The following TAFA5 variants were observed in gnomAD, a reference collection of about 807,000 sequenced individuals.
TAFA5 encodes the protein chemokine-like protein TAFA-5.
A neutral mutation model predicts 15.3 loss-of-function variants in TAFA5; 6 were observed. The ratio of observed to expected loss-of-function variants is 0.39; its 90% CI spans 0.21 to 0.77. The LOEUF is 0.77. TAFA5 is among the 30% of genes least tolerant of loss of function. TAFA5 has a pLI of 0.41. For missense variants in TAFA5, 161 were observed against 193.1 expected (o/e 0.83, Z 0.98); for synonymous variants, 103 against 80.7 (o/e 1.28, Z -1.48).
At position 48,490,600 on chromosome 22, in the gene TAFA5, G is replaced by A. The variant is rs909531972; in HGVS notation, c.112+896G>A. ...CGTTCGCGGCTGGTGGGGTAAGTGG[G>A]GGCCGCTCAGCGTCCCGGGCACAGG... On this transcript the variant is annotated intron_variant, in intron 1 of 3. Transcript: ENST00000402357. The surrounding 1 kb of genome is among the most constrained non-coding windows in gnomAD (Gnocchi z 5.8). Among the ~76,000 whole-genome samples the A allele has an allele frequency of 3.3e-5, 5 of 151,806 alleles. No individual in the cohort carries two copies. The highest frequency in any genetic ancestry group is 1.3e-4 in the Admixed American group (2 of 15,282).
At chr22:48,533,006 T>C (rs1172642946) in intron 1 of TAFA5, among the ~76,000 whole-genome samples, 1 of 152,160 alleles carries the variant, frequency 6.6e-6, no homozygotes, top group Non-Finnish European at 1.5e-5. Flanking sequence ...CGCAGGGTGC[T>C]GAGTCCCCAG....
chr22:48,665,770 G>A (rs545070442), intron 2 of TAFA5, among the ~76,000 whole-genome samples: 2 of 152,284 alleles, frequency 1.3e-5, no homozygotes, highest in South Asian at 4.1e-4. Context: ...CTCATCCGCT[G>A]AAAGCCGGAG....
At chr22:48,656,766 T>A (rs929031315) in intron 2 of TAFA5, among the ~76,000 whole-genome samples, 645 of 17,974 alleles carry the variant, frequency 0.036, 24 homozygotes, top group African/African-American at 0.086. Flanking sequence ...TTTTTTTTTT[T>A]TTTTTTTTTT....
At chr22:48,506,950 C>A (rs1601838893) in intron 1 of TAFA5, among the ~76,000 whole-genome samples, 1 of 152,218 alleles carries the variant, frequency 6.6e-6, no homozygotes, top group African/African-American at 2.4e-5. Context: ...CAGAAGGCAT[C>A]CCCTCCAGCC....
rs185522539 is a variant in TAFA5 at position 48,660,803 on chromosome 22, C to T, written c.262+14057C>T. On this transcript the variant is annotated intron_variant, in intron 2 of 3. Coordinates refer to ENST00000402357, the MANE Select transcript of TAFA5 (RefSeq NM_001082967.3). ...TCAGCAGAAGTGAGGAGGCTCCTCA[C>T]CTTCTGGGTGGGTTTTGGGGGTCAG... 6.6e-3 allele frequency among the ~76,000 whole-genome samples: 1,001 copies of T among 152,276 alleles called. 8 individuals are homozygous for T. The highest frequency in any genetic ancestry group is 0.022 in the African/African-American group (906 of 41,564).
chr22:48,514,657 G>T (rs770528993), intron 1 of TAFA5, among the ~76,000 whole-genome samples: 13 of 152,214 alleles, frequency 8.5e-5, no homozygotes, highest in Non-Finnish European at 1.8e-4. Context: ...TGCCAGCCAG[G>T]TGACTTGTCC....
chr22:48,725,006 G>A lies in TAFA5; in HGVS notation c.390+17162G>A, dbSNP rs536779707. On this transcript the variant is annotated intron_variant, in intron 3 of 3. Transcript: ENST00000402357. ...GGCGCACCAGGAACTGTGTTCTTCCGTTCAGCTCTCATTCCCAAAGGAGCA... is the reference window on the plus strand; with the variant it reads ...GGCGCACCAGGAACTGTGTTCTTCCATTCAGCTCTCATTCCCAAAGGAGCA... Among the ~76,000 whole-genome samples, 44 of 152,360 alleles carry A rather than the reference G, an allele frequency of 2.9e-4. 1 individual carries two copies. In the South Asian group the frequency reaches 7.7e-3, roughly 27 times the overall value.
chr22:48,543,226 A>G (rs1053146785), intron 1 of TAFA5: 2 of 152,092 alleles, frequency 1.3e-5, no homozygotes, highest in Non-Finnish European at 2.9e-5. Flanking sequence ...TTTGGCCCTT[A>G]TTACCAATCA....
intron 2 of TAFA5, among the ~76,000 whole-genome samples, chr22:48,690,989 G>T (rs76041649): frequency 1.3e-5 from 2 of 152,154 alleles, no homozygotes; most frequent in Admixed American, 1.3e-4. Flanking sequence ...GAAGCAGCTA[G>T]GTGAGCATCA....
At chr22:48,744,823 G>T (rs995066794) in intron 3 of TAFA5, among the ~76,000 whole-genome samples, 2 of 152,006 alleles carry the variant, frequency 1.3e-5, no homozygotes, top group African/African-American at 2.4e-5. Context: ...GCAGTGGCAC[G>T]ATCTCGGCTC....
chr22:48,720,384 C>G (rs1254517389), intron 3 of TAFA5, among the ~76,000 whole-genome samples: 1 of 152,174 alleles, frequency 6.6e-6, no homozygotes, highest in East Asian at 1.9e-4. Context: ...GACCCAACAT[C>G]TCAGGGACAC....
chr22:48,718,028 G>C (rs1027067669), intron 3 of TAFA5, among the ~76,000 whole-genome samples: 3 of 152,220 alleles, frequency 2.0e-5, no homozygotes, highest in Non-Finnish European at 2.9e-5. Flanking sequence ...CTGCCTTCAC[G>C]AGCCCAGGTG....
rs112773612 is a variant in TAFA5 at position 48,614,796 on chromosome 22, C to A, written c.113-31801C>A. On this transcript the variant is annotated intron_variant, in intron 1 of 3. Transcript: ENST00000402357. ...TCACACCTTCTGTGCCGCACACGTCCAGCACTTGTAGTGTGTGAGACAGAT... is the reference window on the plus strand; with the variant it reads ...TCACACCTTCTGTGCCGCACACGTCAAGCACTTGTAGTGTGTGAGACAGAT... 1.5e-3 allele frequency among the ~76,000 whole-genome samples: 226 copies of A among 152,310 alleles called. 2 individuals are homozygous for A. The highest frequency in any genetic ancestry group is 1.2e-3 in the Non-Finnish European group (84 of 68,034).
intron 1 of TAFA5, among the ~76,000 whole-genome samples, chr22:48,514,954 C>T (rs1921352697): frequency 6.6e-6 from 1 of 152,230 alleles, no homozygotes; most frequent in African/African-American, 2.4e-5. Flanking sequence ...CACAGAGGTC[C>T]AAAGTTGGAC....
At chr22:48,669,644 G>T (rs1462276399) in intron 2 of TAFA5, among the ~76,000 whole-genome samples, 6 of 152,224 alleles carry the variant, frequency 3.9e-5, no homozygotes, top group Non-Finnish European at 8.8e-5. Flanking sequence ...TGAGTTGGTG[G>T]CATAGCCTTT....
chr22:48,510,234 A>G (rs570682049), intron 1 of TAFA5, among the ~76,000 whole-genome samples: 1 of 152,352 alleles, frequency 6.6e-6, no homozygotes, highest in African/African-American at 2.4e-5. Flanking sequence ...AGCAAAGGGA[A>G]CAGTCAGCAA....
intron 1 of TAFA5, among the ~76,000 whole-genome samples, chr22:48,540,596 CTTT>C (rs35003128): frequency 6.9e-6 from 1 of 144,288 alleles, no homozygotes. Context: ...AGGAGTTTGC[CTTT>C]TTTTTTTTTT....
intron 2 of TAFA5, among the ~76,000 whole-genome samples, chr22:48,689,274 G>A (rs1352211369): frequency 6.6e-6 from 1 of 152,150 alleles, no homozygotes; most frequent in Admixed American, 6.5e-5. Flanking sequence ...ACGTAGACAC[G>A]TTACCGGGTC....
At chr22:48,658,690 G>A (rs5771904) in intron 2 of TAFA5, among the ~76,000 whole-genome samples, 118,282 of 152,176 alleles carry the variant, frequency 0.78, 46,525 homozygotes, top group East Asian at 0.94. Context: ...CACAGCTGGA[G>A]AGTGGGGGCA....
Sources: allele counts gnomAD v4.1 joint callset (sites outside exome capture counted in the v4.1 genomes callset), GRCh38; gene constraint gnomAD v4.1.1; non-coding constraint Gnocchi (gnomAD v3.1); transcripts MANE v1.5; gene names NCBI Gene and HGNC (gene_info 2026-07-23, HGNC 2026-07-21).